SYNE1: variants seen among roughly 807,000 people sequenced by gnomAD.
SYNE1 encodes spectrin repeat containing nuclear envelope protein 1, also known as nesprin-1.
SYNE1 carries 616 observed loss-of-function variants against 1,111.0 expected under a neutral mutation model. The ratio of observed to expected loss-of-function variants is 0.55; its 90% confidence interval spans 0.52 to 0.59. The LOEUF is 0.59. SYNE1 is among the 20% of genes least tolerant of loss of function. The pLI, the probability that SYNE1 is intolerant of heterozygous loss-of-function variation, is 0.00. For synonymous variants in SYNE1, 3,855 were observed against 3,825.8 expected (o/e 1.01, Z -0.28); for missense variants, 10,006 against 10,417.0 (o/e 0.96, Z 1.72).
chr6:152,580,322 G>A (rs553546638), intron 3 of SYNE1, among the ~76,000 whole-genome samples: 10 of 152,204 alleles, frequency 6.6e-5, no homozygotes, highest in South Asian at 2.1e-4. Flanking sequence ...TTATAGAAAC[G>A]TCTGTTCATG....
chr6:152,354,654 T>C lies in SYNE1; in HGVS notation c.10926+5A>G, dbSNP rs1463999325. On this transcript the variant is annotated splice_donor_5th_base_variant and intron_variant, in intron 67 of 145. Coordinates refer to ENST00000367255, the MANE Select transcript of SYNE1 (RefSeq NM_182961.4). ...ACAAAGATCAGGAATCTACATGAGT[T>C]GTACCTTCATCTGATGTAATTGTAT... 2 of 1,614,152 alleles carry C rather than the reference T, an allele frequency of 1.2e-6. No homozygotes were observed. Among genetic ancestry groups the C allele is most frequent in the Admixed American group, 3.3e-5 (2 of 60,024 alleles).
intron 95 of SYNE1, among the ~76,000 whole-genome samples, chr6:152,289,279 A>G (rs1380128763): frequency 6.6e-6 from 1 of 152,214 alleles, no homozygotes; most frequent in Non-Finnish European, 1.5e-5. Context: ...CATGTGTATG[A>G]CACTTACATA....
At position 152,125,396 on chromosome 6, in the gene SYNE1, G is replaced by A. The variant is rs754136026; in HGVS notation, c.26154-2720C>T. On this transcript the variant is annotated intron_variant, in intron 145 of 145. Transcript: ENST00000367255. ...CAGTATCCTGCAGATCATCAAATCC[G>A]TGTGTGGACGTGGGGACATTTTGTT... The A allele has an allele frequency of 1.1e-4, 163 of 1,526,924 alleles. No individual in the cohort carries two copies. The South Asian group carries it at 1.4e-3, about 13-fold the overall frequency. 94.6% of individuals were successfully genotyped at this position (1,526,924 alleles called of 1,614,324 possible). A position where few individuals can be genotyped will look rare whatever the true frequency, so the allele number is the denominator to read the frequency against.
At chr6:152,479,558 C>G (rs1312591089) in intron 14 of SYNE1, among the ~76,000 whole-genome samples, 1 of 152,154 alleles carries the variant, frequency 6.6e-6, no homozygotes, top group Non-Finnish European at 1.5e-5. Context: ...AGTCACTTAA[C>G]CTCTCTCTGC....
chr6:152,168,358 T>G, intron 130 of SYNE1: 1 of 585,050 alleles, frequency 1.7e-6, no homozygotes, highest in Non-Finnish European at 3.0e-6. Flanking sequence ...CACTGGGCAG[T>G]GACAAGTGGT....
chr6:152,554,455 C>T lies in SYNE1; in HGVS notation c.68-14434G>A, dbSNP rs187712686. Among the ~76,000 whole-genome samples the T allele has an allele frequency of 4.1e-4, 63 of 152,144 alleles. 1 individual carries two copies. Among genetic ancestry groups the T allele is most frequent in the Admixed American group, 4.1e-3 (63 of 15,288 alleles). Reference sequence around the variant, plus strand: ...GAGGACTGGATCAAAAGTCTGAGGACTTCTGGATCAAAAGATCGATAGTGC... The same window carrying T: ...GAGGACTGGATCAAAAGTCTGAGGATTTCTGGATCAAAAGATCGATAGTGC... On this transcript the variant is annotated intron_variant, in intron 3 of 145. Transcript: ENST00000367255.
intron 12 of SYNE1, among the ~76,000 whole-genome samples, chr6:152,487,138 C>T (rs1292647338): frequency 6.6e-6 from 1 of 152,160 alleles, no homozygotes; most frequent in Non-Finnish European, 1.5e-5. Flanking sequence ...GTTTGCTGCA[C>T]AGATCAACCC....
At chr6:152,133,117 C>T (rs1346817451) in intron 143 of SYNE1, among the ~76,000 whole-genome samples, 159 bp downstream of exon 143, 2 of 152,092 alleles carry the variant, frequency 1.3e-5, no homozygotes, top group African/African-American at 4.8e-5. Context: ...TATGTGGCTG[C>T]TTTTTTATTT....
intron 82 of SYNE1, 78 bp downstream of exon 82, chr6:152,323,400 T>TCAC: frequency 1.9e-6 from 3 of 1,584,934 alleles, no homozygotes; most frequent in Non-Finnish European, 2.6e-6. Flanking sequence ...GATCACACAT[T>TCAC]TGCACTCCAG....
At chr6:152,208,347 C>T (rs2076911326) in intron 124 of SYNE1, 141 bp from the exon 125 acceptor site, 2 of 760,528 alleles carry the variant, frequency 2.6e-6, no homozygotes, top group Non-Finnish European at 2.2e-6. Flanking sequence ...ATGCCATGAT[C>T]TCTTACTGGG....
chr6:152,549,021 T>C (rs564310587), intron 3 of SYNE1, among the ~76,000 whole-genome samples: 49 of 152,342 alleles, frequency 3.2e-4, no homozygotes, highest in African/African-American at 1.1e-3. Context: ...AGAATTCAGA[T>C]GTCTCATTTG....
At chr6:152,139,925 C>T (rs374681689) in intron 140 of SYNE1, 25 bp downstream of exon 140, 23 of 1,609,134 alleles carry the variant, frequency 1.4e-5, no homozygotes, top group Non-Finnish European at 1.7e-5. Context: ...GTTTGTCCGC[C>T]GTGGGAAAGG....
At chr6:152,510,070 G>A (rs1197754749) in intron 8 of SYNE1, 123 bp downstream of exon 8, 17 of 980,796 alleles carry the variant, frequency 1.7e-5, no homozygotes, top group Non-Finnish European at 2.7e-5. Flanking sequence ...AGTGAAATAA[G>A]CGCTAAAGCA....
chr6:152,164,138 A>G lies in SYNE1; in HGVS notation c.23790+25T>C, dbSNP rs199666905. The G allele has an allele frequency of 9.9e-6, 16 of 1,613,716 alleles. No homozygotes were observed. In the South Asian group the frequency reaches 1.5e-4, roughly 16 times the overall value. On this transcript the variant is annotated intron_variant, in intron 131 of 145. Transcript: ENST00000367255. Reference sequence around the variant, plus strand: ...AGGACAGATATTCCATGGCTTATTAATTCCATTTCCATTTTAAGTCTTACC... The same window carrying G: ...AGGACAGATATTCCATGGCTTATTAGTTCCATTTCCATTTTAAGTCTTACC...
At chr6:152,579,509 T>C (rs538529967) in intron 3 of SYNE1, among the ~76,000 whole-genome samples, 1 of 151,454 alleles carries the variant, frequency 6.6e-6, no homozygotes, top group South Asian at 2.1e-4. Context: ...ATTGTGTCAC[T>C]TTTTTTTCTT....
chr6:152,601,485 C>T lies in SYNE1; in HGVS notation c.67+26780G>A, dbSNP rs147039948. 3.2e-3 allele frequency among the ~76,000 whole-genome samples: 487 copies of T among 152,238 alleles called. 6 individuals are homozygous for T. The highest frequency in any genetic ancestry group is 1.0e-2 in the South Asian group (48 of 4,816). On this transcript the variant is annotated intron_variant, in intron 3 of 145. Coordinates refer to ENST00000367255, the MANE Select transcript of SYNE1 (RefSeq NM_182961.4). ...CAAAAAAGGCAAATACAAGACAGCC[C>T]AGTGTCGCCTACACAAGGTGAGGAA...
intron 79 of SYNE1, 60 bp from the exon 80 acceptor site, chr6:152,326,162 C>T (rs2096062374): frequency 6.2e-7 from 1 of 1,613,622 alleles, no homozygotes. Context: ...CTACACGAAG[C>T]TCTGGTGTCA....
chr6:152,450,975 A>C, intron 26 of SYNE1, 72 bp downstream of exon 26: 1 of 1,608,322 alleles, frequency 6.2e-7, no homozygotes, highest in Non-Finnish European at 8.5e-7. Context: ...CTCAAACCAA[A>C]ATATTAGTAA....
intron 51 of SYNE1, among the ~76,000 whole-genome samples, chr6:152,392,631 C>T (rs1291784171): frequency 6.6e-6 from 1 of 152,100 alleles, no homozygotes; most frequent in Non-Finnish European, 1.5e-5. Context: ...AAGAGTTATA[C>T]AACAAGACAC....
Sources: gnomAD v4.1 joint callset for allele counts (sites outside exome capture counted in the v4.1 genomes callset) on GRCh38, gnomAD v4.1.1 for gene constraint, MANE v1.5 for transcripts, NCBI Gene and HGNC (gene_info 2026-07-23, HGNC 2026-07-21) for gene names.